Variants in CCDC7 observed in about 807,000 individuals in gnomAD.
The protein encoded by CCDC7 is coiled-coil domain containing 7.
In CCDC7, 183 loss-of-function variants were observed where a neutral mutation model predicts 196.9. That is an observed-to-expected ratio of 0.93 (90% CI 0.82 to 1.05). The LOEUF is 1.05. Among genes scored for constraint, CCDC7 ranks in the 50% least tolerant of loss-of-function variants. CCDC7 has a pLI of 0.00. For synonymous variants in CCDC7, 525 were observed against 484.6 expected, an observed-to-expected ratio of 1.08 and a Z score of -1.10; for missense variants, 1,540 against 1,482.2, an observed-to-expected ratio of 1.04 and a Z score of -0.64.
At chr10:32,545,663 C>T (rs1187046016) in intron 13 of CCDC7, among the ~76,000 whole-genome samples, 2 of 152,030 alleles carry the variant, frequency 1.3e-5, no homozygotes, top group Admixed American at 6.6e-5. Context: ...ACCAGCACTT[C>T]GGGAGGCTGA....
intron 11 of CCDC7, among the ~76,000 whole-genome samples, chr10:32,536,058 A>C (rs977107613): frequency 6.6e-6 from 1 of 152,168 alleles, no homozygotes; most frequent in Non-Finnish European, 1.5e-5. Context: ...AAAAGGTCAA[A>C]GTTTAGTCCT....
chr10:32,460,486 A>G (rs2133608201), intron 3 of CCDC7, among the ~76,000 whole-genome samples: 1 of 152,352 alleles, frequency 6.6e-6, no homozygotes, highest in Non-Finnish European at 1.5e-5. Context: ...AACTATGGCT[A>G]CAATGAGTGG....
chr10:32,806,377 A>C (rs1038967345), intron 30 of CCDC7, among the ~76,000 whole-genome samples: 14 of 152,228 alleles, frequency 9.2e-5, no homozygotes, highest in African/African-American at 3.4e-4. Context: ...GAAGAAGAGC[A>C]GGCAAAAAAA....
At chr10:32,839,916 A>G (rs11516741) in intron 33 of CCDC7, among the ~76,000 whole-genome samples, 51,735 of 151,800 alleles carry the variant, frequency 0.34, 11,185 homozygotes, top group Non-Finnish European at 0.49. Flanking sequence ...TGGGTCAACA[A>G]TGAAATCAAG....
chr10:32,787,410 G>T lies in CCDC7; in HGVS notation c.3013+8326G>T, dbSNP rs546063778. On this transcript the variant is annotated intron_variant, in intron 29 of 41. Coordinates refer to ENST00000639629, the Ensembl canonical transcript of CCDC7. The stretch of plus-strand genomic sequence containing the variant: ...TGAAAATACCTTCACAACAGCTAAA[G>T]AAACCAGATGAGAGATTACAGCACT... Among the ~76,000 whole-genome samples, 86 of 152,314 alleles carry T rather than the reference G, an allele frequency of 5.6e-4. No individual in the cohort carries two copies. The Middle Eastern group carries it at 0.014, about 24-fold the overall frequency.
chr10:32,857,642 G>A (rs887495096), intron 41 of CCDC7, among the ~76,000 whole-genome samples: 17 of 151,820 alleles, frequency 1.1e-4, no homozygotes, highest in African/African-American at 4.1e-4. Flanking sequence ...ATTCTAAGAG[G>A]GAAGCTTATA....
At chr10:32,591,694 C>T (rs2947058) in intron 18 of CCDC7, among the ~76,000 whole-genome samples, 20,981 of 152,114 alleles carry the variant, frequency 0.14, 1,746 homozygotes, top group East Asian at 0.25. Context: ...CTCACCAGCA[C>T]CACCACAGGC....
intron 3 of CCDC7, 69 bp downstream of exon 4, chr10:32,456,403 G>C (rs2034359464): frequency 7.8e-7 from 1 of 1,279,316 alleles, no homozygotes; most frequent in South Asian, 2.3e-5. Context: ...AATTGAATCT[G>C]CTATCCAGTC....
chr10:32,666,313 G>A (rs1221199952), intron 21 of CCDC7, among the ~76,000 whole-genome samples: 1 of 151,672 alleles, frequency 6.6e-6, no homozygotes, highest in African/African-American at 2.4e-5. Flanking sequence ...ACCAGGTACG[G>A]CAGTAGGAAG....
intron 16 of CCDC7, among the ~76,000 whole-genome samples, chr10:32,572,104 A>T (rs529290865): frequency 7.9e-5 from 12 of 152,258 alleles, no homozygotes; most frequent in African/African-American, 2.9e-4. Context: ...TTTAAATTTA[A>T]ATTAAGGACA....
At chr10:32,609,789 G>C (rs1305712144) in intron 18 of CCDC7, among the ~76,000 whole-genome samples, 2 of 152,094 alleles carry the variant, frequency 1.3e-5, no homozygotes, top group Non-Finnish European at 2.9e-5. Flanking sequence ...AAAAGTGTGT[G>C]GCACCTCCCA....
intron 28 of CCDC7, among the ~76,000 whole-genome samples, chr10:32,769,881 T>G (rs894282124): frequency 2.0e-5 from 3 of 152,234 alleles, no homozygotes; most frequent in Non-Finnish European, 2.9e-5. Context: ...AGTCTATCAT[T>G]GATGGGCATT....
chr10:32,645,282 T>C (rs1228993933), intron 20 of CCDC7, among the ~76,000 whole-genome samples: 2 of 152,130 alleles, frequency 1.3e-5, no homozygotes, highest in South Asian at 4.1e-4. Context: ...TGGAAATCAG[T>C]ATGTTTTTTG....
intron 29 of CCDC7, among the ~76,000 whole-genome samples, chr10:32,803,010 A>G (rs996254660): frequency 6.6e-6 from 1 of 152,232 alleles, no homozygotes; most frequent in African/African-American, 2.4e-5. Context: ...CCCAGGAACA[A>G]TACTTTGCAT....
intron 8 of CCDC7, among the ~76,000 whole-genome samples, chr10:32,487,559 C>T (rs2041374115): frequency 6.6e-6 from 1 of 152,210 alleles, no homozygotes; most frequent in Non-Finnish European, 1.5e-5. Flanking sequence ...AGGAGAGGCA[C>T]TCTGATTTTT....
At chr10:32,777,911 T>G (rs2134240111) in intron 28 of CCDC7, among the ~76,000 whole-genome samples, 1 of 152,298 alleles carries the variant, frequency 6.6e-6, no homozygotes, top group East Asian at 1.9e-4. Context: ...GGTATCTCAT[T>G]GTGGTTTTAA....
chr10:32,524,654 AT>A (rs1335087548), intron 11 of CCDC7, among the ~76,000 whole-genome samples: 1 of 152,182 alleles, frequency 6.6e-6, no homozygotes, highest in African/African-American at 2.4e-5. Flanking sequence ...CAGCTATACT[AT>A]TCTAGGGTAA....
chr10:32,614,632 A>G (rs1372112726), intron 18 of CCDC7, among the ~76,000 whole-genome samples: 4 of 152,076 alleles, frequency 2.6e-5, no homozygotes, highest in Non-Finnish European at 5.9e-5. Context: ...CATTGTACCA[A>G]ATAGGTAATT....
intron 3 of CCDC7, among the ~76,000 whole-genome samples, chr10:32,457,711 G>C (rs12243271): frequency 0.11 from 16,081 of 151,666 alleles, 1,050 homozygotes; most frequent in South Asian, 0.25. Flanking sequence ...TTTTCTTTTT[G>C]ATAATAGCCA....
Sources: gnomAD v4.1 joint callset for allele counts (sites outside exome capture counted in the v4.1 genomes callset) on GRCh38, gnomAD v4.1.1 for gene constraint, MANE v1.5 for transcripts, NCBI Gene and HGNC (gene_info 2026-07-23, HGNC 2026-07-21) for gene names.